RABGEF1: variants seen among roughly 807,000 people sequenced by gnomAD.
RABGEF1 encodes the protein RAB guanine nucleotide exchange factor 1, also known as rab5 GDP/GTP exchange factor.
A neutral mutation model predicts 57.3 loss-of-function variants in RABGEF1; 26 were observed. The ratio of observed to expected loss-of-function variants is 0.45; its 90% confidence interval spans 0.33 to 0.63. RABGEF1 has a LOEUF of 0.63. Ranked by LOEUF, RABGEF1 falls within the 20% of genes least tolerant of loss-of-function variation. RABGEF1 has a pLI of 0.02. For synonymous variants in RABGEF1, 185 were observed against 210.7 expected (o/e 0.88, Z 1.06); for missense variants, 464 against 607.6 (o/e 0.76, Z 2.48).
rs574945083 is a variant in RABGEF1, at chr7:66,754,526, G to A, written c.-18+13734G>A. ...TGGAAGGCCACAGTGGGCAGATCAC[G>A]TGAGCCCAGGAGTTGGAGACCAGCC... On this transcript the variant is annotated intron_variant, in intron 1 of 8. Transcript: ENST00000284957. Among the ~76,000 whole-genome samples the A allele has an allele frequency of 2.3e-4, 35 of 152,104 alleles. 1 individual carries two copies. In the South Asian group the frequency reaches 5.4e-3, roughly 23 times the overall value.
the RABGEF1 span, among the ~76,000 whole-genome samples, chr7:66,663,366 G>A: frequency 3.9e-5 from 6 of 152,048 alleles, no homozygotes; most frequent in South Asian, 2.1e-4. Context: ...CTATAGTGCC[G>A]CTGGGTTAGG....
At chr7:66,691,195 TGACA>T (rs1028429127) in intron 1 of RABGEF1, among the ~76,000 whole-genome samples, 99 of 152,340 alleles carry the variant, frequency 6.5e-4, no homozygotes, top group African/African-American at 2.3e-3. Flanking sequence ...GCAACCACAC[TGACA>T]GACAGTTTGA....
At chr7:66,772,756 A>T (rs567579819) in intron 2 of RABGEF1, among the ~76,000 whole-genome samples, 26 of 152,030 alleles carry the variant, frequency 1.7e-4, no homozygotes, top group Admixed American at 5.2e-4. Flanking sequence ...TAAAAATATT[A>T]AAAAAGTTAG....
intron 6 of RABGEF1, among the ~76,000 whole-genome samples, 178 bp from the exon 7 acceptor site, chr7:66,799,145 A>G (rs1380967261): frequency 6.6e-6 from 1 of 152,206 alleles, no homozygotes; most frequent in East Asian, 1.9e-4. Context: ...GTCTCATTTT[A>G]GGATCCTAGC....
chr7:66,775,241 A>G lies in RABGEF1; in HGVS notation c.194A>G (p.Glu65Gly). ...WELAERLQRE[E>G]EEAFASSQSS... is the part of the protein sequence containing the mutation. ...TTGAATTGCAGACTCCAGCGGGAGG[A>G]AGAAGAGGCCTTTGCCAGCAGTCAG... The change falls in exon 3 of 9, where the codon GAA becomes GGA. Residue 65 changes from glutamate to glycine, a missense_variant. By Grantham distance (98) the Glu-to-Gly change is moderately conservative (BLOSUM62 -2). Transcript: ENST00000284957. 1 of 1,612,818 alleles carries G rather than the reference A, an allele frequency of 6.2e-7. No homozygotes were observed. The highest frequency in any genetic ancestry group is 8.5e-7 in the Non-Finnish European group (1 of 1,179,534).
chr7:66,711,118 C>T (rs1461933467), intron 1 of RABGEF1, among the ~76,000 whole-genome samples: 1 of 152,314 alleles, frequency 6.6e-6, no homozygotes, highest in African/African-American at 2.4e-5. Flanking sequence ...TGTGATTGCA[C>T]CACTGCACTC....
rs897301543 is a variant in RABGEF1 at position 66,809,550 on chromosome 7, A to G, written c.*266A>G. 5.1e-5 allele frequency: 17 copies of G among 331,400 alleles called. No individual in the cohort carries two copies. Among genetic ancestry groups the G allele is most frequent in the East Asian group, 1.5e-4 (3 of 19,808 alleles). 20.5% of individuals were successfully genotyped at this position (331,400 alleles called of 1,614,324 possible). ...TCTTTTTTCCCTCCATGATTTTCCT[A>G]TGTGCTTCCTCTGGCATTCACTGTG... On this transcript the variant is annotated 3_prime_UTR_variant, in exon 9 of 9. Transcript: ENST00000284957.
intron 1 of RABGEF1, among the ~76,000 whole-genome samples, chr7:66,769,999 A>C (rs1181621763): frequency 6.6e-6 from 1 of 152,158 alleles, no homozygotes; most frequent in African/African-American, 2.4e-5. Flanking sequence ...TATCGCCAGC[A>C]TCCCCAAGTG....
intron 1 of RABGEF1, among the ~76,000 whole-genome samples, chr7:66,741,129 G>A (rs1798839510): frequency 6.6e-6 from 1 of 152,094 alleles, no homozygotes; most frequent in Admixed American, 6.5e-5. Flanking sequence ...GGCTCCCCTC[G>A]CCCCGGCTCC....
intron 2 of RABGEF1, among the ~76,000 whole-genome samples, chr7:66,715,292 T>A (rs1448860684): frequency 6.6e-6 from 1 of 152,154 alleles, no homozygotes; most frequent in African/African-American, 2.4e-5. Context: ...CATACCAGGC[T>A]AATTTTTAAA....
At chr7:66,792,131 A>G (rs1188883589) in intron 4 of RABGEF1, among the ~76,000 whole-genome samples, 1 of 151,838 alleles carries the variant, frequency 6.6e-6, no homozygotes, top group Non-Finnish European at 1.5e-5. Flanking sequence ...AAAAAAGATT[A>G]TAGAAAAGAT....
At chr7:66,704,223 A>G (rs1424364901) in intron 1 of RABGEF1, among the ~76,000 whole-genome samples, 1 of 152,224 alleles carries the variant, frequency 6.6e-6, no homozygotes, top group East Asian at 1.9e-4. Context: ...GCACTAAGTG[A>G]AAAGTTGCAA....
chr7:66,790,993 T>A (rs907454218), intron 4 of RABGEF1, among the ~76,000 whole-genome samples: 2 of 152,234 alleles, frequency 1.3e-5, no homozygotes, highest in African/African-American at 2.4e-5. Flanking sequence ...GTGTCTCTTG[T>A]GCAACTTGTA....
chr7:66,756,079 T>C (rs2129071429), intron 1 of RABGEF1: 1 of 1,479,394 alleles, frequency 6.8e-7, no homozygotes, highest in African/African-American at 1.4e-5. Context: ...ACCATGAAGG[T>C]GAGTACTGAA....
the RABGEF1 span, chr7:66,654,772 G>A: frequency 6.6e-6 from 1 of 152,618 alleles, no homozygotes; most frequent in Non-Finnish European, 1.5e-5. Flanking sequence ...GCCTCCCGCT[G>A]TCCTTCGTCC....
chr7:66,681,393 C>CT (rs60669901), upstream of RABGEF1, among the ~76,000 whole-genome samples: 14,746 of 128,758 alleles, frequency 0.11, 931 homozygotes, highest in East Asian at 0.17. Context: ...CTCAGTTACG[C>CT]TTTTTTTTTT....
chr7:66,758,353 G>T (rs1803306731), intron 1 of RABGEF1, among the ~76,000 whole-genome samples: 1 of 152,130 alleles, frequency 6.6e-6, no homozygotes, highest in Admixed American at 6.5e-5. Flanking sequence ...CTAGCGCCGA[G>T]GCACAATTTA....
chr7:66,778,707 A>G (rs946847907), intron 3 of RABGEF1, among the ~76,000 whole-genome samples: 1 of 152,170 alleles, frequency 6.6e-6, no homozygotes, highest in Admixed American at 6.5e-5. Flanking sequence ...TTCTGGGGCT[A>G]GAGTAGGGAA....
At chr7:66,718,615 A>G (rs562447633) in intron 2 of RABGEF1, among the ~76,000 whole-genome samples, 1 of 152,222 alleles carries the variant, frequency 6.6e-6, no homozygotes, top group Admixed American at 6.5e-5. Context: ...GCAACTTCCT[A>G]CCTGCACTCC....
Sources: gnomAD v4.1 joint callset for allele counts (sites outside exome capture counted in the v4.1 genomes callset) on GRCh38, gnomAD v4.1.1 for gene constraint, MANE v1.5 for transcripts, NCBI Gene and HGNC (gene_info 2026-07-23, HGNC 2026-07-21) for gene names.